The following WWOX variants were observed in gnomAD, a reference collection of about 807,000 sequenced individuals.
WWOX encodes the protein WW domain-containing oxidoreductase.
In WWOX, 69 loss-of-function variants were observed where a neutral mutation model predicts 46.2. The observed-to-expected ratio is 1.49, with a 90% CI of 1.23 to 1.82. The LOEUF is 1.82. Ranked by LOEUF, WWOX falls within the 40% of genes most tolerant of loss-of-function variation. The probability of loss-of-function intolerance (pLI) is 0.00; values close to 1 mark genes in which losing one functional copy is unlikely to be tolerated. For missense variants in WWOX, 919 were observed against 542.6 expected (o/e 1.69, Z -6.89); for synonymous variants, 359 against 202.6 (o/e 1.77, Z -6.56).
intron 8 of WWOX, among the ~76,000 whole-genome samples, chr16:78,432,962 G>C (rs959845575): frequency 4.6e-5 from 7 of 152,202 alleles, no homozygotes; most frequent in African/African-American, 1.7e-4. Flanking sequence ...GGTAGAAGAT[G>C]TGGGTTTCAG....
At chr16:78,868,952 C>T (rs61341006) in intron 8 of WWOX, among the ~76,000 whole-genome samples, 4,978 of 152,216 alleles carry the variant, frequency 0.033, 291 homozygotes, top group African/African-American at 0.11. Flanking sequence ...CGTCCATACA[C>T]ACCCATGTAC....
intron 8 of WWOX, among the ~76,000 whole-genome samples, chr16:78,999,125 G>C (rs947369627): frequency 6.6e-6 from 1 of 151,908 alleles, no homozygotes; most frequent in Admixed American, 6.6e-5. Context: ...AGAACCCAGC[G>C]CCAGTGGCTG....
chr16:78,419,951 A>T (rs1567561536), intron 6 of WWOX, among the ~76,000 whole-genome samples: 1 of 152,140 alleles, frequency 6.6e-6, no homozygotes, highest in Non-Finnish European at 1.5e-5. Context: ...ATGAAAACTC[A>T]TTTAAAAAAT....
chr16:79,085,997 A>G (rs982612443), intron 8 of WWOX, among the ~76,000 whole-genome samples: 1 of 152,080 alleles, frequency 6.6e-6, no homozygotes, highest in Admixed American at 6.5e-5. Flanking sequence ...GCTTGCATCC[A>G]GGAGGTTGAG....
chr16:79,017,982 G>T (rs955926343), intron 8 of WWOX, among the ~76,000 whole-genome samples: 1 of 152,168 alleles, frequency 6.6e-6, no homozygotes, highest in African/African-American at 2.4e-5. Context: ...GCACACCACA[G>T]TATCCAAAAA....
At chr16:78,994,969 C>CTTTTTTTTTTTTT (rs869088414) in intron 8 of WWOX, among the ~76,000 whole-genome samples, 78 of 114,618 alleles carry the variant, frequency 6.8e-4, no homozygotes, top group Non-Finnish European at 9.0e-4. Flanking sequence ...TCTTCTTCTT[C>CTTTTTTTTTTTTT]TTTTTTTTTT....
chr16:78,877,903 C>T (rs936061051), intron 8 of WWOX, among the ~76,000 whole-genome samples: 3 of 152,148 alleles, frequency 2.0e-5, no homozygotes, highest in Admixed American at 2.0e-4. Flanking sequence ...ACTTCAGCGC[C>T]CACAGATACT....
At chr16:78,401,399 T>TA (rs2082409929) in intron 6 of WWOX, among the ~76,000 whole-genome samples, 2 of 152,324 alleles carry the variant, frequency 1.3e-5, no homozygotes, top group South Asian at 4.1e-4. Context: ...AAAATTCTAA[T>TA]AGGCTGAAAT....
At chr16:79,077,709 T>C (rs1231653277) in intron 8 of WWOX, among the ~76,000 whole-genome samples, 3 of 151,380 alleles carry the variant, frequency 2.0e-5, no homozygotes, top group East Asian at 1.9e-4. Flanking sequence ...CCAGCAAGAA[T>C]TGTGTGTTGG....
chr16:78,708,291 T>C (rs1400723124), intron 8 of WWOX, among the ~76,000 whole-genome samples: 2 of 152,178 alleles, frequency 1.3e-5, no homozygotes, highest in Non-Finnish European at 2.9e-5. Context: ...TTGGAGCATA[T>C]ACTCTAAAAA....
chr16:78,933,288 A>G (rs774667610), intron 8 of WWOX, among the ~76,000 whole-genome samples: 1 of 152,128 alleles, frequency 6.6e-6, no homozygotes, highest in African/African-American at 2.4e-5. Context: ...AAAATACAAA[A>G]ATTAGCTGAG....
intron 8 of WWOX, among the ~76,000 whole-genome samples, chr16:79,113,869 T>C (rs2049461739): frequency 6.6e-6 from 1 of 152,224 alleles, no homozygotes; most frequent in African/African-American, 2.4e-5. Flanking sequence ...TTCTGTAATC[T>C]TGAACCAGGG....
chr16:78,963,804 C>T (rs962867476), intron 8 of WWOX, among the ~76,000 whole-genome samples: 3 of 152,176 alleles, frequency 2.0e-5, no homozygotes, highest in African/African-American at 7.2e-5. Flanking sequence ...GCTGTGTCCC[C>T]ACCCAAATCT....
At chr16:78,858,509 T>C (rs1156711300) in intron 8 of WWOX, among the ~76,000 whole-genome samples, 1 of 152,182 alleles carries the variant, frequency 6.6e-6, no homozygotes, top group Non-Finnish European at 1.5e-5. Context: ...TGTTTTTGTG[T>C]GTATTTTCAT....
At chr16:78,780,363 T>C (rs2050293354) in intron 8 of WWOX, 1 of 151,650 alleles carries the variant, frequency 6.6e-6, no homozygotes, top group Non-Finnish European at 1.5e-5. Flanking sequence ...GATTAATTCA[T>C]TCATTCACTG....
intron 8 of WWOX, among the ~76,000 whole-genome samples, chr16:79,168,835 C>A (rs1213037196): frequency 6.6e-6 from 1 of 152,194 alleles, no homozygotes; most frequent in East Asian, 1.9e-4. Context: ...ACTCTCTCCA[C>A]ACCTCCATCA....
intron 8 of WWOX, among the ~76,000 whole-genome samples, chr16:79,010,749 A>G (rs1196762684): frequency 7.0e-6 from 1 of 143,008 alleles, no homozygotes; most frequent in Non-Finnish European, 1.5e-5. Flanking sequence ...GGAACCTTCC[A>G]GGGACATGGA....
chr16:78,855,732 A>C (rs974938566), intron 8 of WWOX, among the ~76,000 whole-genome samples: 3 of 152,168 alleles, frequency 2.0e-5, no homozygotes, highest in Non-Finnish European at 4.4e-5. Context: ...AGAGAGACGC[A>C]CCACCTCTCC....
intron 8 of WWOX, among the ~76,000 whole-genome samples, chr16:78,871,254 C>T (rs1458374532): frequency 6.6e-6 from 1 of 151,824 alleles, no homozygotes; most frequent in African/African-American, 2.4e-5. Flanking sequence ...GGGATTTTTC[C>T]CCCCATGGCT....
Sources: gnomAD v4.1 joint callset for allele counts (sites outside exome capture counted in the v4.1 genomes callset) on GRCh38, gnomAD v4.1.1 for gene constraint, MANE v1.5 for transcripts, NCBI Gene and HGNC (gene_info 2026-07-23, HGNC 2026-07-21) for gene names.